Variants in SIK2 observed in about 807,000 individuals in gnomAD.
SIK2 encodes salt inducible kinase 2.
SIK2 carries 29 observed loss-of-function variants against 103.2 expected under a neutral mutation model. The observed-to-expected ratio is 0.28, with a 90% confidence interval of 0.21 to 0.38. The LOEUF is 0.38. SIK2 is among the 10% of genes least tolerant of loss of function. SIK2 has a pLI of 1.00. For synonymous variants in SIK2, 412 were observed against 446.1 expected, an observed-to-expected ratio of 0.92 and a Z score of 0.96; for missense variants, 879 against 1,171.0, an observed-to-expected ratio of 0.75 and a Z score of 3.64.
chr11:111,686,440 G>A (rs180695259), intron 3 of SIK2, among the ~76,000 whole-genome samples: 5 of 152,074 alleles, frequency 3.3e-5, no homozygotes, highest in Admixed American at 6.5e-5. Flanking sequence ...ACTCTGTCTC[G>A]AAAAACTAAA....
rs944814331 is a variant in SIK2, at chr11:111,722,989, G to T, written c.2147+233G>T. Among the ~76,000 whole-genome samples the T allele has an allele frequency of 6.6e-6, 1 of 152,170 alleles. No homozygotes were observed. Among genetic ancestry groups the T allele is most frequent in the African/African-American group, 2.4e-5 (1 of 41,448 alleles). On this transcript the variant is annotated intron_variant, in intron 14 of 14. Coordinates refer to ENST00000304987, the MANE Select transcript of SIK2 (RefSeq NM_015191.3). The surrounding 1 kb of genome is among the most constrained non-coding windows in gnomAD (Gnocchi z 4.4). The stretch of plus-strand genomic sequence containing the variant: ...TACTTTGTTTTCCTTTTCTTCTAGC[G>T]TTTCCTCTTTGGGGTATGACTAGCT...
chr11:111,712,125 GA>G (rs1452121942), intron 8 of SIK2, 85 bp from the exon 9 acceptor site: 3 of 1,313,890 alleles, frequency 2.3e-6, no homozygotes, highest in Non-Finnish European at 3.2e-6. Context: ...ATTGCCACAG[GA>G]AGAATTATTT....
At chr11:111,691,458 G>A (rs965443249) in intron 4 of SIK2, among the ~76,000 whole-genome samples, 16 of 152,110 alleles carry the variant, frequency 1.1e-4, no homozygotes, top group Admixed American at 8.5e-4. Flanking sequence ...AAAATTGGCC[G>A]AGCTGACACA....
chr11:111,726,915 C>A lies in SIK2; in HGVS notation c.*2786C>A. ...TAAAAATTTCGTTCGGCAAAAAGTGCAATATGTGTGGTACTTTATTTTTTA... is the reference window on the plus strand; with the variant it reads ...TAAAAATTTCGTTCGGCAAAAAGTGAAATATGTGTGGTACTTTATTTTTTA... On this transcript the variant is annotated 3_prime_UTR_variant, in exon 15 of 15. Transcript: ENST00000304987. 6.3e-7 allele frequency: 1 copy of A among 1,580,838 alleles called. No homozygotes were observed. The highest frequency in any genetic ancestry group is 8.7e-7 in the Non-Finnish European group (1 of 1,151,546).
chr11:111,704,966 AC>A lies in SIK2; in HGVS notation c.949-19del. 1 of 1,590,256 alleles carries A rather than the reference AC, an allele frequency of 6.3e-7. No homozygotes were observed. Among genetic ancestry groups the A allele is most frequent in the Non-Finnish European group, 8.5e-7 (1 of 1,172,120 alleles). ...TTGGTCTTTACAGTTCTTTGCCTTT[AC>A]CACTTGTTTTTTATTTCAGTCTTTG... On this transcript the variant is annotated intron_variant, in intron 7 of 14. Coordinates refer to ENST00000304987, the MANE Select transcript of SIK2 (RefSeq NM_015191.3).
rs537744178 is a variant in SIK2, at chr11:111,693,242, G to A, written c.478+5080G>A. On this transcript the variant is annotated intron_variant, in intron 4 of 14. Coordinates refer to ENST00000304987, the MANE Select transcript of SIK2 (RefSeq NM_015191.3). ...AGCTACTCAGGAGGCTGAGGCAGGAGAGAATCGCTTGAACCAGGGAGTCAG... is the reference window on the plus strand; with the variant it reads ...AGCTACTCAGGAGGCTGAGGCAGGAAAGAATCGCTTGAACCAGGGAGTCAG... Among the ~76,000 whole-genome samples the A allele has an allele frequency of 1.5e-4, 23 of 151,998 alleles. No homozygotes were observed. In the South Asian group the frequency reaches 4.2e-3, roughly 27 times the overall value.
chr11:111,660,694 A>T (rs542017562), intron 3 of SIK2, among the ~76,000 whole-genome samples: 1 of 152,232 alleles, frequency 6.6e-6, no homozygotes, highest in African/African-American at 2.4e-5. Context: ...AGTCAGTCAC[A>T]TGAAATTTTT....
At position 111,727,398 on chromosome 11, in the gene SIK2, G is replaced by A. The variant is rs971313040; in HGVS notation, c.*3269G>A. 11 of 308,812 alleles carry A rather than the reference G, an allele frequency of 3.6e-5. No individual in the cohort carries two copies. Among genetic ancestry groups the A allele is most frequent in the African/African-American group, 6.2e-5 (3 of 48,270 alleles). The allele number at this position is 308,812 out of a possible 1,614,324, so 19.1% of individuals were successfully genotyped here. On this transcript the variant is annotated 3_prime_UTR_variant, in exon 15 of 15. Coordinates refer to ENST00000304987, the MANE Select transcript of SIK2 (RefSeq NM_015191.3). ...TCAAGAACTCCCAAGTGTTTAAACC[G>A]TATGCTGGAGTCAGTGGTTGGGACA... is the stretch of plus-strand genomic sequence containing the variant.
At chr11:111,660,103 G>T (rs73017045) in intron 3 of SIK2, among the ~76,000 whole-genome samples, 155 of 152,304 alleles carry the variant, frequency 1.0e-3, no homozygotes, top group Non-Finnish European at 1.9e-3. Context: ...TGCAGTTAGA[G>T]ACCTGTTTGG....
intron 3 of SIK2, among the ~76,000 whole-genome samples, chr11:111,628,079 A>C (rs1406696707): frequency 6.6e-6 from 1 of 152,080 alleles, no homozygotes; most frequent in Non-Finnish European, 1.5e-5. Flanking sequence ...GATAAAATCC[A>C]AACTCCTCAG....
rs1943843600 is a variant in SIK2 at position 111,722,854 on chromosome 11, A to G, written c.2147+98A>G. ...TTTTCCTCTCACATTCGCCACTACT[A>G]GGAAAATAGGTTTTCTGCGTGTGTC... On this transcript the variant is annotated intron_variant, in intron 14 of 14. Transcript: ENST00000304987. The surrounding 1 kb of genome is among the most constrained non-coding windows in gnomAD (Gnocchi z 4.4). 1.8e-6 allele frequency: 2 copies of G among 1,108,552 alleles called. No homozygotes were observed. The highest frequency in any genetic ancestry group is 1.6e-5 in the African/African-American group (1 of 63,640). 68.7% of individuals were successfully genotyped at this position (1,108,552 alleles called of 1,614,324 possible). A position where few individuals can be genotyped will look rare whatever the true frequency, so the allele number is the denominator to read the frequency against.
At chr11:111,653,746 T>A (rs1433826244) in intron 3 of SIK2, among the ~76,000 whole-genome samples, 1 of 152,232 alleles carries the variant, frequency 6.6e-6, no homozygotes, top group Non-Finnish European at 1.5e-5. Flanking sequence ...TCCATCCATT[T>A]TCAGTGCCAG....
chr11:111,656,660 T>C lies in SIK2; in HGVS notation c.317-31341T>C, dbSNP rs137909233. ...TGCATTTCTTAATGTTTCTGAAATGTCTGTTCTGAAATTTTGTTTCACATT... is the reference window on the plus strand; with the variant it reads ...TGCATTTCTTAATGTTTCTGAAATGCCTGTTCTGAAATTTTGTTTCACATT... On this transcript the variant is annotated intron_variant, in intron 3 of 14. Transcript: ENST00000304987. Among the ~76,000 whole-genome samples, 281 of 152,364 alleles carry C rather than the reference T, an allele frequency of 1.8e-3. 1 individual carries two copies. Among genetic ancestry groups the C allele is most frequent in the Middle Eastern group, 0.01 (3 of 294 alleles).
intron 2 of SIK2, among the ~76,000 whole-genome samples, chr11:111,618,955 C>T (rs367751939): frequency 3.3e-5 from 5 of 152,104 alleles, no homozygotes; most frequent in East Asian, 3.9e-4. Flanking sequence ...AGGCTGTTCT[C>T]AAACTTCTGG....
rs1379460086 is a variant in SIK2 at position 111,622,384 on chromosome 11, T to G, written c.316+1982T>G. ...CATTCTCCTGCCTCAGCCTCCCAAA[T>G]AACTGGTCCTACAGGCACCCACCAC... is the stretch of plus-strand genomic sequence containing the variant. On this transcript the variant is annotated intron_variant, in intron 3 of 14. Coordinates refer to ENST00000304987, the MANE Select transcript of SIK2 (RefSeq NM_015191.3). Among the ~76,000 whole-genome samples, 4 of 148,742 alleles carry G rather than the reference T, an allele frequency of 2.7e-5. No homozygotes were observed. In the East Asian group the frequency reaches 8.1e-4, roughly 30 times the overall value.
At chr11:111,652,012 A>C (rs1039283760) in intron 3 of SIK2, among the ~76,000 whole-genome samples, 5 of 152,246 alleles carry the variant, frequency 3.3e-5, no homozygotes, top group Non-Finnish European at 7.3e-5. Flanking sequence ...TTTATCTCAC[A>C]TAACTTTATA....
intron 3 of SIK2, chr11:111,670,843 G>C (rs1408041767): frequency 6.5e-6 from 1 of 152,800 alleles, no homozygotes; most frequent in Non-Finnish European, 1.5e-5. Context: ...GGCTAGGGCT[G>C]AGCCTCAGGT....
intron 4 of SIK2, among the ~76,000 whole-genome samples, chr11:111,696,840 T>C (rs1423233668): frequency 6.6e-6 from 1 of 152,246 alleles, no homozygotes; most frequent in Non-Finnish European, 1.5e-5. Context: ...TCCATTTCAT[T>C]TGAATAAATG....
At position 111,674,034 on chromosome 11, in the gene SIK2, G is replaced by T. The variant is rs12278065; in HGVS notation, c.317-13967G>T. 7.2e-3 allele frequency among the ~76,000 whole-genome samples: 1,069 copies of T among 149,114 alleles called. 14 individuals are homozygous for T. The highest frequency in any genetic ancestry group is 0.025 in the African/African-American group (991 of 40,284). On this transcript the variant is annotated intron_variant, in intron 3 of 14. Transcript: ENST00000304987. ...GGTTGCAGTGAGCTGAGATCGCACC[G>T]CTGCACTCCAAACTGGGCGACAGAG...
Sources: gnomAD v4.1 joint callset for allele counts (sites outside exome capture counted in the v4.1 genomes callset) on GRCh38, gnomAD v4.1.1 for gene constraint, Gnocchi (gnomAD v3.1) non-coding constraint, MANE v1.5 for transcripts, NCBI Gene and HGNC (gene_info 2026-07-23, HGNC 2026-07-21) for gene names.